The following KIF9 variants were observed in gnomAD, a reference collection of about 807,000 sequenced individuals.
KIF9 encodes kinesin-like protein KIF9.
KIF9 carries 68 observed loss-of-function variants against 94.8 expected under a neutral mutation model. The observed-to-expected ratio is 0.72, with a 90% CI of 0.59 to 0.88. The LOEUF is 0.88. Ranked by LOEUF, KIF9 falls within the 40% of genes least tolerant of loss-of-function variation. The pLI, the probability that KIF9 is intolerant of heterozygous loss-of-function variation, is 0.00. For missense variants in KIF9, 882 were observed against 982.5 expected, an observed-to-expected ratio of 0.90 and a Z score of 1.37; for synonymous variants, 343 against 362.1, an observed-to-expected ratio of 0.95 and a Z score of 0.60.
chr3:47,241,865 C>CATAT (rs200180172), intron 16 of KIF9, among the ~76,000 whole-genome samples: 9 of 109,382 alleles, frequency 8.2e-5, no homozygotes, highest in African/African-American at 2.8e-4. Flanking sequence ...TATATATACA[C>CATAT]ATATATATAT....
At position 47,240,999 on chromosome 3, in the gene KIF9, AGGGTG is replaced by A; in HGVS notation, c.1721_1725del (p.Pro574LeufsTer7). 3 of 1,614,126 alleles carry A rather than the reference AGGGTG, an allele frequency of 1.9e-6. No individual in the cohort carries two copies. The South Asian group carries it at 3.3e-5, about 18-fold the overall frequency. Reference sequence around the variant, plus strand: ...AACTCCTCAAAGGCCACTGGTTTGGAGGGTGGGGTGTCGGGCCTTGAGATGAAAAG... The same window carrying A: ...AACTCCTCAAAGGCCACTGGTTTGGAGGGTGTCGGGCCTTGAGATGAAAAG... On this transcript the variant is annotated frameshift_variant, in exon 17 of 21. Transcript: ENST00000684063. LOFTEE classifies it high-confidence loss of function.
At chr3:47,272,430 TTAAG>T (rs557227431) in intron 4 of KIF9, among the ~76,000 whole-genome samples, 173 of 152,338 alleles carry the variant, frequency 1.1e-3, no homozygotes, top group Non-Finnish European at 1.8e-3. Context: ...TTGGTAAACT[TTAAG>T]TATGTCTGGA....
At chr3:47,249,095 C>G (rs1361901869) in intron 10 of KIF9, among the ~76,000 whole-genome samples, 1 of 151,580 alleles carries the variant, frequency 6.6e-6, no homozygotes, top group African/African-American at 2.4e-5. Context: ...CCTCACCAAC[C>G]ACTGCATGAA....
At position 47,245,494 on chromosome 3, in the gene KIF9, A is replaced by C; in HGVS notation, c.1307T>G (p.Val436Gly). ...RVVLSQQEQE[V>G]ESTLRRKYTL... is the part of the protein sequence containing the mutation. Reference sequence around the variant, plus strand: ...GTACTTCCTGCGCAAAGTGGACTCCACTTCCTGTTCCTGTTGGCTTGGGAG... The same window carrying C: ...GTACTTCCTGCGCAAAGTGGACTCCCCTTCCTGTTCCTGTTGGCTTGGGAG... The change falls in exon 14 of 21, where the codon GTG becomes GGG. Residue 436 changes from valine to glycine, a missense_variant. Physicochemically the swap from Val to Gly is moderately radical, Grantham distance 109 (BLOSUM62 -3). Transcript: ENST00000684063. The C allele has an allele frequency of 6.2e-7, 1 of 1,613,762 alleles. No homozygotes were observed.
At chr3:47,246,378 C>T (rs373100320) in intron 12 of KIF9, 126 bp from the exon 13 acceptor site, 20 of 554,558 alleles carry the variant, frequency 3.6e-5, no homozygotes, top group African/African-American at 1.5e-4. Context: ...GAGAAGAGGA[C>T]GTGTGCACAC....
At chr3:47,243,978 A>C (rs960102363) in intron 15 of KIF9, 1 of 152,268 alleles carries the variant, frequency 6.6e-6, no homozygotes, top group African/African-American at 2.4e-5. Flanking sequence ...TGCACTCATG[A>C]AGAGGCAGGA....
chr3:47,262,910 T>G (rs1164416048), intron 9 of KIF9, among the ~76,000 whole-genome samples: 1 of 152,132 alleles, frequency 6.6e-6, no homozygotes, highest in East Asian at 1.9e-4. Context: ...TTTTTTTGTT[T>G]TGTTTTTTTG....
intron 5 of KIF9, among the ~76,000 whole-genome samples, chr3:47,267,471 G>A (rs937065539): frequency 6.6e-6 from 1 of 152,256 alleles, no homozygotes; most frequent in African/African-American, 2.4e-5. Flanking sequence ...CTGGGGAAGT[G>A]TGAATTGGTA....
Position 47,243,126 on chromosome 3 carries a change from A to AGCAT in KIF9, c.1630_1633dup (p.Leu545HisfsTer12), listed in dbSNP as rs780707484. 1 of 1,613,990 alleles carries AGCAT rather than the reference A, an allele frequency of 6.2e-7. No homozygotes were observed. Among genetic ancestry groups the AGCAT allele is most frequent in the South Asian group, 1.1e-5 (1 of 91,062 alleles). On this transcript the variant is annotated frameshift_variant, in exon 16 of 21. Coordinates refer to ENST00000684063, the MANE Select transcript of KIF9 (RefSeq NM_182902.4). LOFTEE classifies it high-confidence loss of function. ...GCTGGAAGTTTCCCGGTCCCGCGAA[A>AGCAT]GCATGTCTTTGACATCCCCATCTTT... is the stretch of plus-strand genomic sequence containing the variant.
rs577446332 is a variant in KIF9, at chr3:47,268,630, T to C, written c.592-1367A>G. Among the ~76,000 whole-genome samples, 26 of 151,484 alleles carry C rather than the reference T, an allele frequency of 1.7e-4. No individual in the cohort carries two copies. The South Asian group carries it at 5.2e-3, about 31-fold the overall frequency. On this transcript the variant is annotated intron_variant, in intron 5 of 20. Transcript: ENST00000684063. ...ATCATTCTCACTCTGTTGCCCAGGCTGAAGTGCAGTGGCGTGATGTTGGCT... is the reference window on the plus strand; with the variant it reads ...ATCATTCTCACTCTGTTGCCCAGGCCGAAGTGCAGTGGCGTGATGTTGGCT...
At chr3:47,267,520 G>A (rs1342166487) in intron 5 of KIF9, among the ~76,000 whole-genome samples, 2 of 152,180 alleles carry the variant, frequency 1.3e-5, no homozygotes, top group Non-Finnish European at 2.9e-5. Context: ...AAAATCAAGA[G>A]CCTTAAAAAT....
At chr3:47,261,530 T>C (rs1271362646) in intron 9 of KIF9, among the ~76,000 whole-genome samples, 1 of 152,208 alleles carries the variant, frequency 6.6e-6, no homozygotes, top group East Asian at 1.9e-4. Flanking sequence ...CAGGCCATGC[T>C]GGGCTGTCTC....
intron 20 of KIF9, among the ~76,000 whole-genome samples, chr3:47,232,680 C>CA (rs1483278183): frequency 1.1e-4 from 16 of 151,666 alleles, no homozygotes; most frequent in Admixed American, 7.2e-4. Flanking sequence ...AAAATACCTA[C>CA]AAAAAACTAT....
intron 5 of KIF9, among the ~76,000 whole-genome samples, chr3:47,270,975 CAAAAAA>C (rs35244035): frequency 3.3e-5 from 3 of 90,972 alleles, no homozygotes; most frequent in Non-Finnish European, 6.1e-5. Flanking sequence ...CTTGTCTCTA[CAAAAAA>C]AAAAAAAAAA....
At chr3:47,254,805 G>T (rs1227878402) in intron 10 of KIF9, among the ~76,000 whole-genome samples, 3 of 151,874 alleles carry the variant, frequency 2.0e-5, no homozygotes, top group East Asian at 1.9e-4. Context: ...TTAGAAATGG[G>T]ATAGAAGCCG....
At chr3:47,256,804 GTTC>G (rs577745234) in intron 10 of KIF9, among the ~76,000 whole-genome samples, 314 of 152,342 alleles carry the variant, frequency 2.1e-3, no homozygotes, top group Non-Finnish European at 3.9e-3. Context: ...GCTAAGAAAA[GTTC>G]TTCTGCCTTG....
chr3:47,249,133 T>C (rs1025436552), intron 10 of KIF9, among the ~76,000 whole-genome samples: 1 of 150,016 alleles, frequency 6.7e-6, no homozygotes, highest in African/African-American at 2.4e-5. Flanking sequence ...ATAATAATCA[T>C]GTATGTCACC....
chr3:47,243,061 G>A lies in KIF9; in HGVS notation c.1699C>T (p.Arg567Cys), dbSNP rs114109244. The part of the protein sequence containing the change: ...LPSDSPKEEL[R>C]PIRPDTPPSK... Reference sequence around the variant, plus strand: ...ACATTAGCTGATTACCTAATTGGGCGTAATTCCTCCTTCGGGGAGTCTGAG... The same window carrying A: ...ACATTAGCTGATTACCTAATTGGGCATAATTCCTCCTTCGGGGAGTCTGAG... Residue 567 changes from arginine (R) to cysteine (C), a missense_variant, in exon 16 of 21, where the codon CGC becomes TGC. Arg to Cys is a radical substitution (Grantham distance 180). Coordinates refer to ENST00000684063, the MANE Select transcript of KIF9 (RefSeq NM_182902.4). 3.4e-5 allele frequency: 54 copies of A among 1,604,992 alleles called. No homozygotes were observed. Among genetic ancestry groups the A allele is most frequent in the Admixed American group, 6.7e-5 (4 of 59,820 alleles).
intron 13 of KIF9, 131 bp from the exon 14 acceptor site, chr3:47,245,642 C>A: frequency 1.4e-6 from 1 of 695,296 alleles, no homozygotes; most frequent in South Asian, 1.6e-5. Context: ...TCATCATGAA[C>A]CAGACCAGAC....
Sources: gnomAD v4.1 joint callset for allele counts (sites outside exome capture counted in the v4.1 genomes callset) on GRCh38, gnomAD v4.1.1 for gene constraint, MANE v1.5 for transcripts, NCBI Gene and HGNC (gene_info 2026-07-23, HGNC 2026-07-21) for gene names.